LRRIQ3: variants seen among roughly 807,000 people sequenced by gnomAD.
LRRIQ3 encodes the protein leucine-rich repeat and IQ domain-containing protein 3.
LRRIQ3 carries 75 observed loss-of-function variants against 59.3 expected under a neutral mutation model. The ratio of observed to expected loss-of-function variants is 1.26; its 90% CI spans 1.05 to 1.53. The LOEUF is 1.53. LRRIQ3 is among the 40% of genes most tolerant of loss of function. The pLI is 0.00. For missense variants in LRRIQ3, 831 were observed against 710.0 expected, an observed-to-expected ratio of 1.17 and a Z score of -1.94; for synonymous variants, 250 against 231.3, an observed-to-expected ratio of 1.08 and a Z score of -0.73.
At chr1:74,052,673 T>C (rs1429299715) in intron 6 of LRRIQ3, among the ~76,000 whole-genome samples, 3 of 152,168 alleles carry the variant, frequency 2.0e-5, no homozygotes, top group Non-Finnish European at 4.4e-5. Context: ...AATACAGATT[T>C]ACTATCTTTA....
chr1:74,036,690 T>G (rs72687631), intron 7 of LRRIQ3, among the ~76,000 whole-genome samples: 3,855 of 152,304 alleles, frequency 0.025, 71 homozygotes, highest in Middle Eastern at 0.044. Flanking sequence ...AATTTTCAGT[T>G]TCTTGGGCCA....
intron 1 of LRRIQ3, among the ~76,000 whole-genome samples, chr1:74,192,875 T>C (rs1290527524): frequency 6.6e-6 from 1 of 152,178 alleles, no homozygotes; most frequent in East Asian, 1.9e-4. Flanking sequence ...GGATTTTTCA[T>C]ATTTTGTTTT....
At chr1:74,050,602 T>C in intron 6 of LRRIQ3, 1 of 984,592 alleles carries the variant, frequency 1.0e-6, no homozygotes, top group Non-Finnish European at 1.2e-6. Flanking sequence ...CAAACCTATT[T>C]AAAATCAGCA....
At chr1:74,150,883 C>A (rs992541329) in intron 4 of LRRIQ3, among the ~76,000 whole-genome samples, 3 of 151,820 alleles carry the variant, frequency 2.0e-5, no homozygotes, top group Non-Finnish European at 4.4e-5. Context: ...CATGATATGA[C>A]TACAGGATAT....
intron 6 of LRRIQ3, among the ~76,000 whole-genome samples, chr1:74,042,929 A>G (rs1394328937): frequency 6.6e-6 from 1 of 152,076 alleles, no homozygotes; most frequent in African/African-American, 2.4e-5. Context: ...TGGTGGAACC[A>G]TAAGATAGAA....
intron 3 of LRRIQ3, among the ~76,000 whole-genome samples, chr1:74,175,053 G>A (rs781672051): frequency 2.2e-4 from 33 of 152,122 alleles, no homozygotes; most frequent in Non-Finnish European, 4.6e-4. Flanking sequence ...GCTGGCTTTA[G>A]GAATTAAAGG....
intron 4 of LRRIQ3, among the ~76,000 whole-genome samples, chr1:74,146,630 C>T (rs1186061129): frequency 1.3e-5 from 2 of 152,218 alleles, no homozygotes; most frequent in East Asian, 3.9e-4. Flanking sequence ...CAGAATAATA[C>T]AAATTATTTT....
intron 6 of LRRIQ3, among the ~76,000 whole-genome samples, chr1:74,048,503 A>G (rs1654269653): frequency 6.6e-6 from 1 of 152,134 alleles, no homozygotes; most frequent in Non-Finnish European, 1.5e-5. Context: ...ATCTCAGTGA[A>G]CGATTAAGTA....
chr1:74,089,871 G>T (rs975529160), intron 5 of LRRIQ3, among the ~76,000 whole-genome samples: 1 of 151,954 alleles, frequency 6.6e-6, no homozygotes, highest in African/African-American at 2.4e-5. Flanking sequence ...GGTGAAGTTG[G>T]CAATGTAGCT....
chr1:74,137,756 T>C (rs923895529), intron 4 of LRRIQ3, among the ~76,000 whole-genome samples: 1 of 152,058 alleles, frequency 6.6e-6, no homozygotes, highest in African/African-American at 2.4e-5. Context: ...TGGAATACTA[T>C]TCAGCCATAA....
chr1:74,055,643 C>T (rs1348261309), intron 6 of LRRIQ3, among the ~76,000 whole-genome samples: 3 of 151,994 alleles, frequency 2.0e-5, no homozygotes, highest in East Asian at 1.9e-4. Context: ...TTTGTTTCCA[C>T]CTTTGAACTG....
At chr1:74,117,815 TA>T (rs1274308067) in intron 4 of LRRIQ3, among the ~76,000 whole-genome samples, 1 of 152,066 alleles carries the variant, frequency 6.6e-6, no homozygotes, top group Non-Finnish European at 1.5e-5. Context: ...GTATCAGTAA[TA>T]CAATAATAAA....
At chr1:74,133,212 A>G (rs1036991887) in intron 4 of LRRIQ3, among the ~76,000 whole-genome samples, 6 of 152,270 alleles carry the variant, frequency 3.9e-5, no homozygotes, top group African/African-American at 1.4e-4. Context: ...TCAGGAAACA[A>G]CAGGTGCTGG....
chr1:74,175,862 T>A (rs1649606334), intron 3 of LRRIQ3, among the ~76,000 whole-genome samples: 1 of 152,150 alleles, frequency 6.6e-6, no homozygotes, highest in South Asian at 2.1e-4. Flanking sequence ...ATGTCACTAA[T>A]TTACCAGATC....
chr1:74,128,011 T>G (rs562147114), intron 4 of LRRIQ3, among the ~76,000 whole-genome samples: 1 of 152,166 alleles, frequency 6.6e-6, no homozygotes, highest in African/African-American at 2.4e-5. Flanking sequence ...TACAGCTTTT[T>G]TTCCTTCAGC....
intron 6 of LRRIQ3, among the ~76,000 whole-genome samples, chr1:74,074,217 A>C (rs981402644): frequency 3.9e-5 from 6 of 152,120 alleles, no homozygotes; most frequent in African/African-American, 1.4e-4. Flanking sequence ...AACCTTCTGA[A>C]TATGTATATT....
At chr1:74,180,884 C>G (rs1237632063) in intron 3 of LRRIQ3, 1 of 1,242,208 alleles carries the variant, frequency 8.1e-7, no homozygotes, top group African/African-American at 1.5e-5. Context: ...ATCTCTACCC[C>G]TTTCAGTCTG....
At chr1:74,036,484 C>T (rs914732716) in intron 7 of LRRIQ3, among the ~76,000 whole-genome samples, 2 of 152,124 alleles carry the variant, frequency 1.3e-5, no homozygotes, top group African/African-American at 4.8e-5. Flanking sequence ...TAGAAAGCTT[C>T]TAGGTCACAT....
chr1:74,157,718 T>TA (rs896110956), intron 3 of LRRIQ3, among the ~76,000 whole-genome samples: 36 of 152,012 alleles, frequency 2.4e-4, no homozygotes, highest in African/African-American at 7.0e-4. Flanking sequence ...TTCTGCACTT[T>TA]AAAAAAAACT....
Sources: allele counts gnomAD v4.1 joint callset (sites outside exome capture counted in the v4.1 genomes callset), GRCh38; gene constraint gnomAD v4.1.1; transcripts MANE v1.5; gene names NCBI Gene and HGNC (gene_info 2026-07-23, HGNC 2026-07-21).